The following GRM5 variants were observed in gnomAD, a reference collection of about 807,000 sequenced individuals.
GRM5 encodes the protein metabotropic glutamate receptor 5.
In GRM5, 19 loss-of-function variants were observed where a neutral mutation model predicts 83.1. That is an observed-to-expected ratio of 0.23 (90% CI 0.16 to 0.34). GRM5 has a LOEUF of 0.34. Among genes scored for constraint, GRM5 ranks in the 10% least tolerant of loss-of-function variants. The pLI is 1.00. For missense variants in GRM5, 1,160 were observed against 1,588.3 expected, an observed-to-expected ratio of 0.73 and a Z score of 4.58; for synonymous variants, 675 against 633.6, an observed-to-expected ratio of 1.07 and a Z score of -0.98.
intron 3 of GRM5, among the ~76,000 whole-genome samples, chr11:88,768,985 A>G (rs779094775): frequency 1.8e-4 from 28 of 152,068 alleles, no homozygotes; most frequent in Non-Finnish European, 3.7e-4. Flanking sequence ...TAGCCTCACC[A>G]AGGAGTTGCT....
At chr11:88,669,123 G>A (rs989056152) in intron 3 of GRM5, among the ~76,000 whole-genome samples, 1 of 152,102 alleles carries the variant, frequency 6.6e-6, no homozygotes, top group Non-Finnish European at 1.5e-5. Context: ...CAACAATCAA[G>A]ATGTAGATAC....
In GRM5 at chr11:88,885,450, G is replaced by GGTTTTTTTTTTTTTT. The variant is rs1945027301; in HGVS notation, c.662-35296_662-35295insAAAAAAAAAAAAAAC. 4.9e-4 allele frequency among the ~76,000 whole-genome samples: 31 copies of GGTTTTTTTTTTTTTT among 62,664 alleles called. 7 individuals are homozygous for GGTTTTTTTTTTTTTT. The highest frequency in any genetic ancestry group is 1.5e-3 in the African/African-American group (26 of 16,892). The allele number at this position is 62,664 out of a possible 152,430, so 41.1% of individuals were successfully genotyped here. On this transcript the variant is annotated intron_variant, in intron 2 of 9. Coordinates refer to ENST00000305447, the MANE Select transcript of GRM5 (RefSeq NM_001143831.3). ...TTCTGAATTCTATAGTAGGTACCATGTTTTTTTTTTTTTTTTTTTTTTTTT... is the reference window on the plus strand; with the variant it reads ...TTCTGAATTCTATAGTAGGTACCATGGTTTTTTTTTTTTTTTTTTTTTTTTTTTTTTTTTTTTTTT...
intron 9 of GRM5, among the ~76,000 whole-genome samples, chr11:88,521,694 T>A (rs947602704): frequency 6.6e-6 from 1 of 152,044 alleles, no homozygotes; most frequent in African/African-American, 2.4e-5. Flanking sequence ...TGACAAGTTA[T>A]ACTATATTCA....
At chr11:88,553,792 G>C (rs1056451767) in intron 8 of GRM5, among the ~76,000 whole-genome samples, 1 of 152,066 alleles carries the variant, frequency 6.6e-6, no homozygotes, top group Admixed American at 6.6e-5. Context: ...ATGCATGTTG[G>C]GGGGAAAAAT....
At chr11:88,539,816 C>T (rs903581210) in intron 8 of GRM5, among the ~76,000 whole-genome samples, 2 of 152,198 alleles carry the variant, frequency 1.3e-5, no homozygotes, top group Admixed American at 1.3e-4. Context: ...GATGTAGAGA[C>T]AAATGATGCT....
intron 3 of GRM5, among the ~76,000 whole-genome samples, chr11:88,720,725 A>ATTG (rs1301187817): frequency 6.6e-6 from 1 of 151,890 alleles, no homozygotes; most frequent in Non-Finnish European, 1.5e-5. Flanking sequence ...CTCCATTAAA[A>ATTG]TTGTTATGTG....
At chr11:88,784,060 C>T (rs1943022728) in intron 3 of GRM5, among the ~76,000 whole-genome samples, 2 of 151,988 alleles carry the variant, frequency 1.3e-5, no homozygotes, top group South Asian at 4.2e-4. Flanking sequence ...AAATTAAGCT[C>T]AATTTTTATA....
intron 2 of GRM5, among the ~76,000 whole-genome samples, chr11:88,919,841 T>G (rs577478622): frequency 2.0e-5 from 3 of 152,046 alleles, no homozygotes; most frequent in African/African-American, 7.2e-5. Context: ...TTTTAAAAAT[T>G]CATGAAGCCA....
At chr11:88,523,988 T>G (rs2135104299) in intron 9 of GRM5, 1 of 152,224 alleles carries the variant, frequency 6.6e-6, no homozygotes, top group East Asian at 1.9e-4. Context: ...AATTTTTCCT[T>G]TTCTCTAATC....
At chr11:88,800,798 C>T (rs1943378686) in intron 3 of GRM5, among the ~76,000 whole-genome samples, 1 of 152,086 alleles carries the variant, frequency 6.6e-6, no homozygotes, top group South Asian at 2.1e-4. Context: ...TGGGAGAAAT[C>T]ATACCTGCTA....
At chr11:89,011,039 ATTAAC>A (rs1940681242) in intron 2 of GRM5, among the ~76,000 whole-genome samples, 2 of 152,208 alleles carry the variant, frequency 1.3e-5, no homozygotes, top group Admixed American at 1.3e-4. Context: ...CTGCTTCTTT[ATTAAC>A]TTATGGTGCA....
intron 2 of GRM5, among the ~76,000 whole-genome samples, chr11:89,033,681 G>C (rs558118416): frequency 1.3e-5 from 2 of 151,802 alleles, no homozygotes; most frequent in East Asian, 3.9e-4. Context: ...TATGTAACAG[G>C]TTTTGAAGCT....
intron 7 of GRM5, among the ~76,000 whole-genome samples, chr11:88,581,124 A>G (rs1231011578): frequency 6.6e-6 from 1 of 152,180 alleles, no homozygotes; most frequent in African/African-American, 2.4e-5. Context: ...ATAAATAAAT[A>G]AATTTAAATA....
intron 2 of GRM5, among the ~76,000 whole-genome samples, chr11:88,994,590 C>A (rs1940113918): frequency 7.4e-6 from 1 of 135,574 alleles, no homozygotes; most frequent in African/African-American, 2.9e-5. Context: ...CTTTGAAAGC[C>A]ACTGAATTAA....
intron 2 of GRM5, among the ~76,000 whole-genome samples, chr11:88,855,190 C>A (rs1436920958): frequency 2.0e-5 from 3 of 151,666 alleles, no homozygotes; most frequent in African/African-American, 7.3e-5. Context: ...ATCTTTACTT[C>A]TCTTTCCATA....
chr11:88,975,218 A>AT (rs1939294786), intron 2 of GRM5, among the ~76,000 whole-genome samples: 1 of 152,250 alleles, frequency 6.6e-6, no homozygotes, highest in African/African-American at 2.4e-5. Flanking sequence ...AAAGAGGACT[A>AT]TGAATAAAAT....
intron 8 of GRM5, among the ~76,000 whole-genome samples, chr11:88,526,661 A>G (rs956893864): frequency 6.6e-6 from 1 of 152,160 alleles, no homozygotes; most frequent in Admixed American, 6.5e-5. Flanking sequence ...CAAAAGTAGT[A>G]TAAAATAAAA....
At chr11:88,986,858 G>T (rs1025731508) in intron 2 of GRM5, among the ~76,000 whole-genome samples, 1 of 147,648 alleles carries the variant, frequency 6.8e-6, no homozygotes, top group Non-Finnish European at 1.5e-5. Flanking sequence ...TCACATTTAA[G>T]TCTTTAATCC....
chr11:88,508,646 G>A lies in GRM5; in HGVS notation c.3585C>T (p.Pro1195=). 1 of 1,609,978 alleles carries A rather than the reference G, an allele frequency of 6.2e-7. No homozygotes were observed. The highest frequency in any genetic ancestry group is 8.5e-7 in the Non-Finnish European group (1 of 1,178,212). ...SESALCIPSS[P]KYDTLIIRDY... ...CTCTTATGATAAGAGTGTCATATTT[G>A]GGAGACGACGGGATACAGAGGGCCG... The change falls in exon 10 of 10, where the codon CCC becomes CCT. Residue 1195 remains proline (P), a synonymous_variant. Transcript: ENST00000305447. The surrounding 1 kb of genome is among the most constrained non-coding windows in gnomAD (Gnocchi z 4.2).
Sources: gnomAD v4.1 joint callset for allele counts (sites outside exome capture counted in the v4.1 genomes callset) on GRCh38, gnomAD v4.1.1 for gene constraint, Gnocchi (gnomAD v3.1) non-coding constraint, MANE v1.5 for transcripts, NCBI Gene and HGNC (gene_info 2026-07-23, HGNC 2026-07-21) for gene names.